Variants in PEBP4 observed in about 807,000 individuals in gnomAD.
PEBP4 encodes the protein phosphatidylethanolamine binding protein 4.
In PEBP4, 22 loss-of-function variants were observed where a neutral mutation model predicts 23.9. That is an observed-to-expected ratio of 0.92 (90% CI 0.66 to 1.31). The LOEUF (loss-of-function observed/expected upper bound fraction) is 1.31, where lower values mean the gene tolerates loss of function less well. Among genes scored for constraint, PEBP4 ranks in the 40% most tolerant of loss-of-function variants. The pLI is 0.00. For missense variants in PEBP4, 324 were observed against 281.7 expected (o/e 1.15, Z -1.07); for synonymous variants, 112 against 99.3 (o/e 1.13, Z -0.76).
At chr8:22,782,317 T>C (rs1313482547) in intron 4 of PEBP4, among the ~76,000 whole-genome samples, 2 of 152,014 alleles carry the variant, frequency 1.3e-5, no homozygotes, top group Non-Finnish European at 1.5e-5. Flanking sequence ...AAAAACAGAG[T>C]AGTGCAAACT....
chr8:22,834,352 C>T (rs1015154982), intron 3 of PEBP4, among the ~76,000 whole-genome samples: 5 of 152,200 alleles, frequency 3.3e-5, no homozygotes, highest in Admixed American at 1.3e-4. Flanking sequence ...CCCCTGGAGC[C>T]GAAAGCCTTT....
intron 4 of PEBP4, among the ~76,000 whole-genome samples, chr8:22,783,847 T>G (rs1805974707): frequency 6.6e-6 from 1 of 152,198 alleles, no homozygotes; most frequent in African/African-American, 2.4e-5. Flanking sequence ...TTACTCAGGC[T>G]GGTCCTGAGC....
intron 4 of PEBP4, among the ~76,000 whole-genome samples, chr8:22,807,929 T>C (rs1243413796): frequency 6.8e-6 from 1 of 147,180 alleles, no homozygotes; most frequent in Non-Finnish European, 1.5e-5. Context: ...TATCCATTCA[T>C]CCACCTACTA....
intron 3 of PEBP4, among the ~76,000 whole-genome samples, chr8:22,861,577 G>C (rs1207404276): frequency 1.3e-5 from 2 of 152,196 alleles, no homozygotes; most frequent in Non-Finnish European, 2.9e-5. Flanking sequence ...AGATTTGACA[G>C]AGATTACATT....
At chr8:22,877,448 G>A (rs554696792) in intron 3 of PEBP4, among the ~76,000 whole-genome samples, 2 of 152,266 alleles carry the variant, frequency 1.3e-5, no homozygotes, top group South Asian at 2.1e-4. Context: ...AGCCCAGCAC[G>A]ACCCAAGTAC....
intron 2 of PEBP4, chr8:22,924,845 AG>A (rs1809290211): frequency 1.0e-6 from 1 of 985,300 alleles, no homozygotes; most frequent in Non-Finnish European, 1.2e-6. Flanking sequence ...TCTCAGAAGC[AG>A]GGAAGGTCTG....
At chr8:22,820,523 G>A (rs1450114305) in intron 3 of PEBP4, among the ~76,000 whole-genome samples, 2 of 152,178 alleles carry the variant, frequency 1.3e-5, no homozygotes, top group Admixed American at 6.5e-5. Context: ...GCTTTCTGAT[G>A]TTCTAAATGC....
intron 3 of PEBP4, among the ~76,000 whole-genome samples, chr8:22,904,326 G>C (rs77152039): frequency 0.017 from 2,599 of 152,286 alleles, 30 homozygotes; most frequent in Non-Finnish European, 0.027. Flanking sequence ...GAGTCCCTCA[G>C]TTTTTACCAC....
chr8:22,760,741 G>A (rs1805490725), intron 4 of PEBP4, among the ~76,000 whole-genome samples: 2 of 152,144 alleles, frequency 1.3e-5, no homozygotes, highest in South Asian at 4.1e-4. Context: ...TCAGACATGG[G>A]CATTCTAAGT....
intron 4 of PEBP4, among the ~76,000 whole-genome samples, chr8:22,777,169 C>T (rs1224932959): frequency 6.6e-6 from 1 of 152,062 alleles, no homozygotes; most frequent in African/African-American, 2.4e-5. Context: ...GTGCTGGCCC[C>T]TTCCTCATTT....
In PEBP4 at chr8:22,815,672, C is replaced by T. The variant is rs73672904; in HGVS notation, c.357+1965G>A. ...CGGCCTGAGCGGGAAGGCCGAGGGCCGCACCCGGGCAGGTGGCACTGGTAA... is the reference window on the plus strand; with the variant it reads ...CGGCCTGAGCGGGAAGGCCGAGGGCTGCACCCGGGCAGGTGGCACTGGTAA... On this transcript the variant is annotated intron_variant, in intron 4 of 6. Coordinates refer to ENST00000256404, the MANE Select transcript of PEBP4 (RefSeq NM_144962.3). Among the ~76,000 whole-genome samples, 529 of 152,296 alleles carry T rather than the reference C, an allele frequency of 3.5e-3. 7 individuals are homozygous for T. The highest frequency in any genetic ancestry group is 0.012 in the African/African-American group (500 of 41,552).
intron 3 of PEBP4, among the ~76,000 whole-genome samples, chr8:22,898,524 G>A (rs1308776370): frequency 6.6e-6 from 1 of 151,212 alleles, no homozygotes; most frequent in Admixed American, 6.6e-5. Flanking sequence ...GCCATCAGTG[G>A]CTCAATCTAA....
At position 22,749,733 on chromosome 8, in the gene PEBP4, G is replaced by A. The variant is rs548544411; in HGVS notation, c.358-22513C>T. On this transcript the variant is annotated intron_variant, in intron 4 of 6. Transcript: ENST00000256404. ...ACAGAGGAGCAAATTCAGGGCCACG[G>A]CATCCATAGGACCAGTCACGGGCAG... Among the ~76,000 whole-genome samples the A allele has an allele frequency of 5.3e-5, 8 of 151,280 alleles. No individual in the cohort carries two copies. In the South Asian group the frequency reaches 1.7e-3, roughly 32 times the overall value.
At position 22,749,805 on chromosome 8, in the gene PEBP4, C is replaced by CTTTTTTTTTTTTTTTT. The variant is rs71206545; in HGVS notation, c.358-22601_358-22586dup. On this transcript the variant is annotated intron_variant, in intron 4 of 6. Coordinates refer to ENST00000256404, the MANE Select transcript of PEBP4 (RefSeq NM_144962.3). The stretch of plus-strand genomic sequence containing the variant: ...CTCTCCTGATTCTCAGTTTGTCATT[C>CTTTTTTTTTTTTTTTT]TTTTTTTTTTTTTTTTTTGAGATGG... 3.0e-3 allele frequency among the ~76,000 whole-genome samples: 255 copies of CTTTTTTTTTTTTTTTT among 83,726 alleles called. 37 individuals carry two copies. The highest frequency in any genetic ancestry group is 8.0e-3 in the East Asian group (25 of 3,120). 54.9% of individuals were successfully genotyped at this position (83,726 alleles called of 152,430 possible). A position where few individuals can be genotyped will look rare whatever the true frequency, so the allele number is the denominator to read the frequency against.
At chr8:22,809,432 C>A (rs367650216) in intron 4 of PEBP4, among the ~76,000 whole-genome samples, 5 of 152,126 alleles carry the variant, frequency 3.3e-5, no homozygotes, top group South Asian at 2.1e-4. Flanking sequence ...TCTGAGCCCC[C>A]ACACATGGCC....
chr8:22,854,733 T>G (rs1390947677), intron 3 of PEBP4, among the ~76,000 whole-genome samples: 1 of 152,144 alleles, frequency 6.6e-6, no homozygotes, highest in Non-Finnish European at 1.5e-5. Context: ...GTAAAGACAT[T>G]ATAACGTGTA....
At chr8:22,772,122 C>A (rs1805728478) in intron 4 of PEBP4, among the ~76,000 whole-genome samples, 1 of 152,238 alleles carries the variant, frequency 6.6e-6, no homozygotes, top group Non-Finnish European at 1.5e-5. Flanking sequence ...TGTGATAAGA[C>A]CCTTTGTAAT....
At chr8:22,731,252 C>T (rs369785990) in intron 4 of PEBP4, among the ~76,000 whole-genome samples, 1 of 152,216 alleles carries the variant, frequency 6.6e-6, no homozygotes, top group South Asian at 2.1e-4. Flanking sequence ...TCTTCCACCT[C>T]TTCTGCCTCT....
At chr8:22,876,028 G>A (rs1423099654) in intron 3 of PEBP4, among the ~76,000 whole-genome samples, 1 of 127,504 alleles carries the variant, frequency 7.8e-6, no homozygotes, top group Non-Finnish European at 1.7e-5. Flanking sequence ...TTGCACTTCA[G>A]CCACTGGAGT....
Sources: allele counts gnomAD v4.1 joint callset (sites outside exome capture counted in the v4.1 genomes callset), GRCh38; gene constraint gnomAD v4.1.1; transcripts MANE v1.5; gene names NCBI Gene and HGNC (gene_info 2026-07-23, HGNC 2026-07-21).